Variants in GLB1 observed in about 807,000 individuals in gnomAD.
GLB1 encodes the protein beta-galactosidase.
Under a neutral mutation model 74.0 loss-of-function variants are expected in GLB1, and 56 were observed. The observed-to-expected ratio is 0.76, with a 90% confidence interval of 0.61 to 0.94. The LOEUF is 0.94. Ranked by LOEUF, GLB1 falls within the 40% of genes least tolerant of loss-of-function variation. The pLI is 0.00. For synonymous variants in GLB1, 323 were observed against 323.6 expected (o/e 1.00, Z 0.02); for missense variants, 787 against 845.5 (o/e 0.93, Z 0.86).
intron 1 of GLB1, among the ~76,000 whole-genome samples, chr3:33,074,259 G>A (rs926619977): frequency 1.8e-4 from 27 of 149,412 alleles, no homozygotes; most frequent in Non-Finnish European, 3.6e-4. Flanking sequence ...GCGGTGAGCC[G>A]AGATCATGCC....
intron 9 of GLB1, among the ~76,000 whole-genome samples, chr3:33,050,698 A>G (rs1233655991): frequency 1.3e-5 from 2 of 152,214 alleles, no homozygotes; most frequent in African/African-American, 4.8e-5. Flanking sequence ...TCTGAATTAG[A>G]TAATGGTAAT....
chr3:33,007,907 G>C (rs981170949), intron 15 of GLB1, among the ~76,000 whole-genome samples: 1 of 152,176 alleles, frequency 6.6e-6, no homozygotes, highest in Non-Finnish European at 1.5e-5. Context: ...CACGGCTGGG[G>C]CTCAGGTAGA....
chr3:32,979,617 C>A, the GLB1 span, among the ~76,000 whole-genome samples: 1 of 151,318 alleles, frequency 6.6e-6, no homozygotes. Context: ...CTTTGGGAGG[C>A]CAAGATGGGA....
At chr3:33,029,615 C>T (rs1697923548) in intron 10 of GLB1, among the ~76,000 whole-genome samples, 1 of 152,110 alleles carries the variant, frequency 6.6e-6, no homozygotes, top group African/African-American at 2.4e-5. Flanking sequence ...GAATACTATG[C>T]AGCCATAAAA....
chr3:33,069,011 A>T, intron 2 of GLB1, 41 bp from the exon 3 acceptor site: 1 of 1,614,102 alleles, frequency 6.2e-7, no homozygotes, highest in Non-Finnish European at 8.5e-7. Context: ...TACTTGGCAG[A>T]GTCAAGAAGA....
chr3:33,036,263 G>C (rs1049920647), intron 10 of GLB1, among the ~76,000 whole-genome samples: 1 of 152,166 alleles, frequency 6.6e-6, no homozygotes, highest in African/African-American at 2.4e-5. Flanking sequence ...CCATCGATCA[G>C]AAGAGCAAGG....
rs775460318 is a variant in GLB1, at chr3:33,058,194, G to C, written c.628C>G (p.His210Asp). 2.5e-6 allele frequency: 4 copies of C among 1,614,146 alleles called. No homozygotes were observed. In the South Asian group the frequency reaches 4.4e-5, roughly 18 times the overall value. The change falls in exon 6 of 16, where the codon CAT (histidine) becomes GAT (aspartate). Residue 210 changes from histidine to aspartate, a missense_variant. By Grantham distance (81) the His-to-Asp change is moderately conservative. Transcript: ENST00000307363. ...LRFLQKRFRH[H>D]LGDDVVLFTT... is the part of the protein sequence containing the mutation. The stretch of plus-strand genomic sequence containing the variant: ...AACAGAACCACATCATCCCCCAGAT[G>C]GTGGCGAAAGCGCTTCTGCAGGAAG...
In GLB1 at chr3:33,067,916, C is replaced by T. The variant is rs577560362; in HGVS notation, c.457+314G>A. 6.6e-5 allele frequency among the ~76,000 whole-genome samples: 10 copies of T among 152,280 alleles called. No homozygotes were observed. In the East Asian group the frequency reaches 1.2e-3, roughly 18 times the overall value. On this transcript the variant is annotated intron_variant, in intron 4 of 15. Coordinates refer to ENST00000307363, the MANE Select transcript of GLB1 (RefSeq NM_000404.4). ...GTTTGTTTGTTTTGAGACAGAGTCA[C>T]GCTTTGTCACCCAGGCTATAGTGCA...
the GLB1 span, among the ~76,000 whole-genome samples, chr3:32,973,515 T>C: frequency 6.6e-6 from 1 of 152,130 alleles, no homozygotes; most frequent in Non-Finnish European, 1.5e-5. Flanking sequence ...CTAATTTTTG[T>C]ATTTTTTAGT....
At chr3:33,043,211 G>C (rs376734491) in intron 10 of GLB1, among the ~76,000 whole-genome samples, 5 of 152,180 alleles carry the variant, frequency 3.3e-5, no homozygotes, top group East Asian at 1.9e-4. Context: ...GTAGGAACTT[G>C]CTGCCTAAAA....
At chr3:32,990,990 T>C in the GLB1 span, among the ~76,000 whole-genome samples, 40,868 of 151,782 alleles carry the variant, frequency 0.27, 5,720 homozygotes, top group African/African-American at 0.34. Context: ...ATAATAATAA[T>C]AATAATCGTA....
chr3:33,081,384 T>C (rs768757332), intron 1 of GLB1, among the ~76,000 whole-genome samples: 12 of 152,170 alleles, frequency 7.9e-5, no homozygotes, highest in South Asian at 6.2e-4. Context: ...GGGAGGATCC[T>C]TGGAACCTAG....
chr3:32,981,585 C>T, the GLB1 span, among the ~76,000 whole-genome samples: 1 of 151,760 alleles, frequency 6.6e-6, no homozygotes, highest in Non-Finnish European at 1.5e-5. Context: ...ACCAGCCTGG[C>T]CAACATGAGG....
chr3:33,095,269 T>C (rs1204120762), intron 1 of GLB1, among the ~76,000 whole-genome samples: 1 of 143,304 alleles, frequency 7.0e-6, no homozygotes, highest in African/African-American at 2.6e-5. Flanking sequence ...ACAGCTAAAA[T>C]TTAGTTAAAA....
chr3:32,995,759 C>T (rs936434622), downstream of GLB1, among the ~76,000 whole-genome samples: 3 of 150,244 alleles, frequency 2.0e-5, no homozygotes, highest in Non-Finnish European at 2.9e-5. Context: ...GTAGGAAGAT[C>T]ACTTGAAGCC....
chr3:32,976,880 C>T, the GLB1 span, among the ~76,000 whole-genome samples: 1 of 152,172 alleles, frequency 6.6e-6, no homozygotes, highest in African/African-American at 2.4e-5. Context: ...ATCTTTTACA[C>T]ACTGGGATAT....
the GLB1 span, among the ~76,000 whole-genome samples, chr3:32,970,386 C>T: frequency 1.3e-5 from 2 of 152,092 alleles, no homozygotes; most frequent in African/African-American, 4.8e-5. Context: ...GGCCACCCCC[C>T]ATTATAAGTC....
At chr3:33,059,970 T>C (rs1326931326) in intron 5 of GLB1, among the ~76,000 whole-genome samples, 1 of 152,074 alleles carries the variant, frequency 6.6e-6, no homozygotes, top group African/African-American at 2.4e-5. Context: ...GGAAGGTTCC[T>C]TGGAGGGACA....
intron 10 of GLB1, among the ~76,000 whole-genome samples, chr3:33,028,808 G>A (rs1277800948): frequency 1.3e-5 from 2 of 152,082 alleles, no homozygotes; most frequent in Non-Finnish European, 2.9e-5. Context: ...TGGGATTACA[G>A]GCATGCACCA....
Sources: gnomAD v4.1 joint callset for allele counts (sites outside exome capture counted in the v4.1 genomes callset) on GRCh38, gnomAD v4.1.1 for gene constraint, MANE v1.5 for transcripts, NCBI Gene and HGNC (gene_info 2026-07-23, HGNC 2026-07-21) for gene names.